FGF14: variants seen among roughly 807,000 people sequenced by gnomAD.
FGF14 encodes fibroblast growth factor 14, also known as fibroblast growth factor homologous factor 4.
In FGF14, 5 loss-of-function variants were observed where a neutral mutation model predicts 25.5. The ratio of observed to expected loss-of-function variants is 0.20; its 90% CI spans 0.10 to 0.41. The LOEUF (loss-of-function observed/expected upper bound fraction) is 0.41. Ranked by LOEUF, FGF14 falls within the 10% of genes least tolerant of loss-of-function variation. The pLI is 1.00. For synonymous variants in FGF14, 138 were observed against 118.3 expected (o/e 1.17, Z -1.08); for missense variants, 222 against 320.1 (o/e 0.69, Z 2.34).
chr13:102,369,884 T>G (rs1277315960), intron 1 of FGF14, among the ~76,000 whole-genome samples: 1 of 152,222 alleles, frequency 6.6e-6, no homozygotes, highest in Non-Finnish European at 1.5e-5. Flanking sequence ...TGTCTCAGGT[T>G]TTATGATTTT....
chr13:101,879,136 G>T (rs1220971318), intron 1 of FGF14, among the ~76,000 whole-genome samples: 3 of 152,098 alleles, frequency 2.0e-5, no homozygotes, highest in African/African-American at 7.2e-5. Flanking sequence ...TTCGTGTTCA[G>T]AATACCTACT....
intron 1 of FGF14, among the ~76,000 whole-genome samples, chr13:101,958,155 T>C (rs1485389766): frequency 6.6e-6 from 1 of 152,220 alleles, no homozygotes; most frequent in Non-Finnish European, 1.5e-5. Context: ...ACTTGAGAGC[T>C]TTCCTAAACT....
At chr13:101,764,403 T>C (rs1437323478) in intron 3 of FGF14, among the ~76,000 whole-genome samples, 1 of 152,184 alleles carries the variant, frequency 6.6e-6, no homozygotes, top group Non-Finnish European at 1.5e-5. Flanking sequence ...AGCACATGAT[T>C]ATCTGAGGTG....
At chr13:102,378,627 C>A (rs375153832) in intron 1 of FGF14, among the ~76,000 whole-genome samples, 13,973 of 132,452 alleles carry the variant, frequency 0.11, 1,245 homozygotes, top group African/African-American at 0.27. Context: ...ATCTATCTAT[C>A]TATCTATATA....
chr13:102,126,162 C>G (rs949515817), intron 1 of FGF14, among the ~76,000 whole-genome samples: 4 of 142,130 alleles, frequency 2.8e-5, no homozygotes, highest in African/African-American at 1.0e-4. Flanking sequence ...ACTACTTTTT[C>G]CAAAACTTTA....
At chr13:102,199,508 T>A (rs1409800774) in intron 1 of FGF14, among the ~76,000 whole-genome samples, 2 of 152,176 alleles carry the variant, frequency 1.3e-5, no homozygotes, top group African/African-American at 4.8e-5. Flanking sequence ...GCAAACCTAG[T>A]TAGTCATGGA....
chr13:102,173,728 C>T (rs965248111), intron 1 of FGF14, among the ~76,000 whole-genome samples: 1 of 152,010 alleles, frequency 6.6e-6, no homozygotes, highest in South Asian at 2.1e-4. Flanking sequence ...AATCAAAGGA[C>T]AAATACAGCA....
At chr13:102,373,110 G>T (rs1323244442) in intron 1 of FGF14, among the ~76,000 whole-genome samples, 1 of 152,140 alleles carries the variant, frequency 6.6e-6, no homozygotes, top group East Asian at 1.9e-4. Context: ...ACTCAAAAGA[G>T]CTGTCATACA....
intron 1 of FGF14, among the ~76,000 whole-genome samples, chr13:101,953,628 T>C (rs530093272): frequency 1.3e-5 from 2 of 151,544 alleles, no homozygotes; most frequent in African/African-American, 4.8e-5. Flanking sequence ...TTTGCTCTTG[T>C]TGCCCAGGCT....
At chr13:102,122,468 T>C (rs996657411) in intron 1 of FGF14, among the ~76,000 whole-genome samples, 10 of 152,178 alleles carry the variant, frequency 6.6e-5, no homozygotes, top group African/African-American at 2.4e-4. Flanking sequence ...TGCATAGATA[T>C]TATGACAGCG....
intron 1 of FGF14, among the ~76,000 whole-genome samples, chr13:102,241,369 G>T (rs1435420818): frequency 6.6e-6 from 1 of 152,122 alleles, no homozygotes; most frequent in Non-Finnish European, 1.5e-5. Context: ...AGGGTCACTT[G>T]TTGCCTTCAC....
Position 101,884,591 on chromosome 13 carries a change from T to C in FGF14, c.194-9295A>G, listed in dbSNP as rs150774266. ...CATCATTAATATATGAATAAATACA[T>C]CCAAAAGGACAATGAAATGTCCAAT... On this transcript the variant is annotated intron_variant, in intron 1 of 4. Transcript: ENST00000376143. Among the ~76,000 whole-genome samples the C allele has an allele frequency of 5.1e-3, 782 of 151,882 alleles. 4 individuals carry two copies. The highest frequency in any genetic ancestry group is 6.4e-3 in the Non-Finnish European group (438 of 67,964).
At chr13:102,332,743 A>G (rs2138845871) in intron 1 of FGF14, among the ~76,000 whole-genome samples, 1 of 152,264 alleles carries the variant, frequency 6.6e-6, no homozygotes, top group Non-Finnish European at 1.5e-5. Context: ...TCAGTTATTA[A>G]TAATAATTTT....
At chr13:102,307,708 C>T (rs1015452565) in intron 1 of FGF14, among the ~76,000 whole-genome samples, 3 of 152,104 alleles carry the variant, frequency 2.0e-5, no homozygotes, top group Non-Finnish European at 4.4e-5. Context: ...TGTATTAATT[C>T]ATTTAATCTT....
rs560039924 is a variant in FGF14 at position 102,096,756 on chromosome 13, G to C, written c.209-221460C>G. On this transcript the variant is annotated intron_variant, in intron 1 of 4. Transcript: ENST00000376131. ...GCCTGGGATATCCCTTCTGAGAGGA[G>C]AGTAGGCACAAAATACAACTAACCA... Among the ~76,000 whole-genome samples, 16 of 149,606 alleles carry C rather than the reference G, an allele frequency of 1.1e-4. No homozygotes were observed. In the South Asian group the frequency reaches 3.2e-3, roughly 30 times the overall value.
intron 3 of FGF14, among the ~76,000 whole-genome samples, chr13:101,854,902 G>T (rs1032017774): frequency 6.6e-6 from 1 of 151,932 alleles, no homozygotes; most frequent in African/African-American, 2.4e-5. Context: ...CTCCACAAAT[G>T]AGTGTGCAGG....
intron 1 of FGF14, among the ~76,000 whole-genome samples, chr13:101,988,813 A>C (rs932295794): frequency 3.3e-5 from 5 of 152,092 alleles, no homozygotes; most frequent in Non-Finnish European, 7.4e-5. Flanking sequence ...ATATGTAACA[A>C]ACCTGTACGT....
chr13:101,827,002 T>G (rs909138925), intron 3 of FGF14, among the ~76,000 whole-genome samples: 10 of 151,966 alleles, frequency 6.6e-5, no homozygotes, highest in African/African-American at 2.4e-4. Context: ...ATTAAAACAG[T>G]AAATCTTACT....
intron 3 of FGF14, among the ~76,000 whole-genome samples, chr13:101,746,758 C>T (rs2036919160): frequency 6.6e-6 from 1 of 151,920 alleles, no homozygotes; most frequent in Admixed American, 6.6e-5. Flanking sequence ...GTTAAGCAGT[C>T]AGTGTTGTCC....
Sources: gnomAD v4.1 joint callset for allele counts (sites outside exome capture counted in the v4.1 genomes callset) on GRCh38, gnomAD v4.1.1 for gene constraint, MANE v1.5 for transcripts, NCBI Gene and HGNC (gene_info 2026-07-23, HGNC 2026-07-21) for gene names.